KIF26A: variants seen among roughly 807,000 people sequenced by gnomAD.
KIF26A encodes kinesin-like protein KIF26A.
KIF26A carries 74 observed loss-of-function variants against 126.0 expected under a neutral mutation model. That is an observed-to-expected ratio of 0.59 (90% CI 0.49 to 0.71). KIF26A has a LOEUF of 0.71. Ranked by LOEUF, KIF26A falls within the 30% of genes least tolerant of loss-of-function variation. KIF26A has a pLI of 0.00. For synonymous variants in KIF26A, 1,445 were observed against 1,232.7 expected (o/e 1.17, Z -3.61); for missense variants, 2,984 against 2,763.3 (o/e 1.08, Z -1.79).
intron 2 of KIF26A, among the ~76,000 whole-genome samples, chr14:104,144,321 C>T (rs964079227): frequency 5.3e-5 from 8 of 151,954 alleles, no homozygotes; most frequent in African/African-American, 9.7e-5. Flanking sequence ...GGGGCAGGGA[C>T]GTGCTCTGGG....
chr14:104,179,671 A>G lies in KIF26A; in HGVS notation c.5530A>G (p.Thr1844Ala). 6.5e-7 allele frequency: 1 copy of G among 1,548,226 alleles called. No individual in the cohort carries two copies. The highest frequency in any genetic ancestry group is 8.7e-7 in the Non-Finnish European group (1 of 1,145,978). ...AEYLAALERA[T>A]AALEQCVNLC... ...GTACCTGGCGGCCCTGGAGCGAGCC[A>G]CGGCGGCCCTGGAGCAGTGCGTGAA... is the stretch of plus-strand genomic sequence containing the variant. Residue 1844 changes from threonine to alanine, a missense_variant, in exon 15 of 15, where the codon ACG becomes GCG. By Grantham distance (58) the Thr-to-Ala change is moderately conservative (BLOSUM62 0). Transcript: ENST00000423312.
At position 104,176,474 on chromosome 14, in the gene KIF26A, G is replaced by A. The variant is rs1238976534; in HGVS notation, c.3686G>A (p.Gly1229Asp). The A allele has an allele frequency of 6.2e-7, 1 of 1,606,978 alleles. No homozygotes were observed. The highest frequency in any genetic ancestry group is 8.5e-7 in the Non-Finnish European group (1 of 1,179,532). The change falls in exon 12 of 15, where the codon GGC becomes GAC. Residue 1229 changes from glycine to aspartate, a missense_variant. Physicochemically the swap from Gly to Asp is moderately conservative, Grantham distance 94. Transcript: ENST00000423312. ...ATTRVGCARLGQSPPGRGGLF... is the reference protein window; with the variant it reads ...ATTRVGCARLDQSPPGRGGLF... ...ACCCGTGTGGGCTGTGCTCGCCTGGGCCAGAGCCCACCTGGCCGTGGAGGC... is the reference window on the plus strand; with the variant it reads ...ACCCGTGTGGGCTGTGCTCGCCTGGACCAGAGCCCACCTGGCCGTGGAGGC...
rs2037793101 is a variant in KIF26A at position 104,157,705 on chromosome 14, T to C, written c.736-50T>C. On this transcript the variant is annotated intron_variant, in intron 3 of 14. Transcript: ENST00000423312. ...TCCCACTCCGGGTGCCAGGGGGCAGTGGTGTCTCTGCCCTTGCGTTCCTTA... is the reference window on the plus strand; with the variant it reads ...TCCCACTCCGGGTGCCAGGGGGCAGCGGTGTCTCTGCCCTTGCGTTCCTTA... The C allele has an allele frequency of 1.9e-6, 3 of 1,554,394 alleles. No homozygotes were observed. In the African/African-American group the frequency reaches 4.1e-5, roughly 21 times the overall value.
chr14:104,176,079 G>C lies in KIF26A; in HGVS notation c.3291G>C (p.Glu1097Asp). The change falls in exon 12 of 15, where the codon GAG (glutamate) becomes GAC (aspartate). Residue 1097 changes from glutamate (E) to aspartate (D), a missense_variant. Coordinates refer to ENST00000423312, the MANE Select transcript of KIF26A (RefSeq NM_015656.2). Reference protein sequence around the residue: ...TSQAPEGGPLEGAAWAGSSHG... With the variant: ...TSQAPEGGPLDGAAWAGSSHG... ...AGGCCCCTGAGGGGGGGCCCCTGGAGGGGGCAGCCTGGGCCGGCAGCAGTC... is the reference window on the plus strand; with the variant it reads ...AGGCCCCTGAGGGGGGGCCCCTGGACGGGGCAGCCTGGGCCGGCAGCAGTC... 3.8e-6 allele frequency: 6 copies of C among 1,594,544 alleles called. No individual in the cohort carries two copies. The highest frequency in any genetic ancestry group is 3.4e-6 in the Non-Finnish European group (4 of 1,172,734).
In KIF26A at chr14:104,152,872, C is replaced by T. The variant is rs1026700132; in HGVS notation, c.735+411C>T. Among the ~76,000 whole-genome samples the T allele has an allele frequency of 6.6e-6, 1 of 152,116 alleles. No homozygotes were observed. The highest frequency in any genetic ancestry group is 2.4e-5 in the African/African-American group (1 of 41,410). On this transcript the variant is annotated intron_variant, in intron 3 of 14. Transcript: ENST00000423312. This position sits in a 1 kb window ranked among gnomAD's most constrained non-coding sequence, Gnocchi z 5.9. The stretch of plus-strand genomic sequence containing the variant: ...TGGAGGCCTGGGGGTGTGAGGCGTC[C>T]ATGGACGTCGGGCGGGGGACCGGCA...
intron 2 of KIF26A, among the ~76,000 whole-genome samples, chr14:104,140,402 A>G (rs1173454852): frequency 6.6e-6 from 1 of 152,088 alleles, no homozygotes; most frequent in East Asian, 1.9e-4. Flanking sequence ...ATCTAGTTTA[A>G]AAGGTAGCAG....
At chr14:104,165,679 A>G (rs115366326) in intron 4 of KIF26A, among the ~76,000 whole-genome samples, 2,215 of 141,714 alleles carry the variant, frequency 0.016, 75 homozygotes, top group African/African-American at 0.058. Flanking sequence ...TTCTGTATGC[A>G]TATGTGTGAC....
At chr14:104,165,158 T>C (rs796910226) in intron 4 of KIF26A, among the ~76,000 whole-genome samples, 13 of 151,876 alleles carry the variant, frequency 8.6e-5, no homozygotes, top group African/African-American at 3.1e-4. Context: ...TATGCATGTG[T>C]GTATCTCTAT....
intron 6 of KIF26A, 24 bp from the exon 7 acceptor site, chr14:104,172,551 T>C (rs958129854): frequency 1.3e-6 from 2 of 1,592,490 alleles, no homozygotes; most frequent in South Asian, 1.1e-5. Context: ...GCCACAGCCC[T>C]GCCTGATTCT....
Position 104,165,557 on chromosome 14 carries a change from C to CTG in KIF26A, c.924-1296_924-1295dup, listed in dbSNP as rs528990853. ...TTTGTGTCTATGCGTGTGTGTGTGT[C>CTG]TGTGTGTTTCTGTATGCATGTGTGT... On this transcript the variant is annotated intron_variant, in intron 4 of 14. Transcript: ENST00000423312. 8.4e-3 allele frequency among the ~76,000 whole-genome samples: 1,134 copies of CTG among 135,062 alleles called. 33 individuals carry two copies. Among genetic ancestry groups the CTG allele is most frequent in the African/African-American group, 0.03 (1,006 of 33,998 alleles). The allele number at this position is 135,062 out of a possible 152,430, so 88.6% of individuals were successfully genotyped here.
Position 104,177,268 on chromosome 14 carries a change from C to T in KIF26A, c.4480C>T (p.Pro1494Ser), listed in dbSNP as rs1259447274. 3.1e-6 allele frequency: 5 copies of T among 1,594,168 alleles called. No homozygotes were observed. Among genetic ancestry groups the T allele is most frequent in the East Asian group, 4.5e-5 (2 of 44,204 alleles). Residue 1494 changes from proline (P) to serine (S), a missense_variant, in exon 12 of 15, where the codon CCT (proline) becomes TCT (serine). Transcript: ENST00000423312. ...CAAGGCTGTGGGGGCCCCCAAGCCCCCTGTTGGTGGAGGCAAGGGCCGTGG... is the reference window on the plus strand; with the variant it reads ...CAAGGCTGTGGGGGCCCCCAAGCCCTCTGTTGGTGGAGGCAAGGGCCGTGG... Reference protein sequence around the residue: ...AAKAVGAPKPPVGGGKGRGLV... With the variant: ...AAKAVGAPKPSVGGGKGRGLV...
intron 4 of KIF26A, among the ~76,000 whole-genome samples, chr14:104,161,802 C>G (rs116255172): frequency 6.6e-6 from 1 of 152,222 alleles, no homozygotes; most frequent in African/African-American, 2.4e-5. Context: ...GGCAGGCTTC[C>G]TGGAGGAGGT....
rs142054017 is a variant in KIF26A, at chr14:104,164,824, T to C, written c.924-2035T>C. On this transcript the variant is annotated intron_variant, in intron 4 of 14. Coordinates refer to ENST00000423312, the MANE Select transcript of KIF26A (RefSeq NM_015656.2). ...CTCTTTCTCTGTGTATCCTTGTCTC[T>C]GTGTGAGTGTCTGAGTATGTGTGTG... Among the ~76,000 whole-genome samples, 4 of 151,990 alleles carry C rather than the reference T, an allele frequency of 2.6e-5. No homozygotes were observed. In the East Asian group the frequency reaches 7.7e-4, roughly 29 times the overall value.
rs771832883 is a variant in KIF26A, at chr14:104,166,986, G to A, written c.1051G>A (p.Ala351Thr). The A allele has an allele frequency of 3.2e-6, 5 of 1,583,546 alleles. No homozygotes were observed. The highest frequency in any genetic ancestry group is 4.3e-6 in the Non-Finnish European group (5 of 1,165,936). The change falls in exon 5 of 15, where the codon GCG (alanine) becomes ACG (threonine). Residue 351 changes from alanine (A) to threonine (T), a missense_variant. Ala to Thr is a moderately conservative substitution (Grantham distance 58). Coordinates refer to ENST00000423312, the MANE Select transcript of KIF26A (RefSeq NM_015656.2). The part of the protein sequence containing the change: ...SGVLQLWPPP[A>T]PPCLLRAASK... ...GGTCCTGCAGCTGTGGCCGCCCCCG[G>A]CGCCCCCCTGCCTGCTCAGGGCCGC...
At chr14:104,160,424 T>A (rs186682918) in intron 4 of KIF26A, among the ~76,000 whole-genome samples, 9 of 152,152 alleles carry the variant, frequency 5.9e-5, no homozygotes, top group Admixed American at 5.9e-4. Flanking sequence ...TGTGGAGTGA[T>A]CCCATGGGTG....
Position 104,177,055 on chromosome 14 carries a change from G to A in KIF26A, c.4267G>A (p.Ala1423Thr). 1 of 1,587,654 alleles carries A rather than the reference G, an allele frequency of 6.3e-7. No individual in the cohort carries two copies. Among genetic ancestry groups the A allele is most frequent in the Non-Finnish European group, 8.5e-7 (1 of 1,175,234 alleles). The change falls in exon 12 of 15, where the codon GCC (alanine) becomes ACC (threonine). Residue 1423 changes from alanine to threonine, a missense_variant. Transcript: ENST00000423312. ...PRATSSLKAR[A>T]SKVEAAHRLA... ...GGCCACGTCCAGCCTGAAGGCCCGG[G>A]CCAGCAAGGTAGAAGCAGCACACCG...
At chr14:104,165,047 GTGTC>G (rs557999175) in intron 4 of KIF26A, among the ~76,000 whole-genome samples, 43 of 151,834 alleles carry the variant, frequency 2.8e-4, no homozygotes, top group African/African-American at 9.9e-4. Context: ...ATGTGTATGT[GTGTC>G]TGTGTGTCTC....
At chr14:104,161,351 C>T (rs2037831178) in intron 4 of KIF26A, among the ~76,000 whole-genome samples, 1 of 152,098 alleles carries the variant, frequency 6.6e-6, no homozygotes, top group South Asian at 2.1e-4. Context: ...CTCGCACGGC[C>T]CAGTGTGGAA....
Position 104,175,328 on chromosome 14 carries a change from G to T in KIF26A, c.2540G>T (p.Arg847Leu). 1 of 1,604,020 alleles carries T rather than the reference G, an allele frequency of 6.2e-7. No individual in the cohort carries two copies. The highest frequency in any genetic ancestry group is 1.3e-5 in the African/African-American group (1 of 75,046). The change falls in exon 12 of 15, where the codon CGG becomes CTG. Residue 847 changes from arginine (R) to leucine (L), a missense_variant. By Grantham distance (102) the Arg-to-Leu change is moderately radical. Coordinates refer to ENST00000423312, the MANE Select transcript of KIF26A (RefSeq NM_015656.2). ...AGCACCTTCGCGGAGCTGCAGGAGCGGCTGGAATGCATGGACGGCAACGAG... is the reference window on the plus strand; with the variant it reads ...AGCACCTTCGCGGAGCTGCAGGAGCTGCTGGAATGCATGGACGGCAACGAG... Reference protein sequence around the residue: ...RCSTFAELQERLECMDGNEGP... With the variant: ...RCSTFAELQELLECMDGNEGP...
Sources: allele counts gnomAD v4.1 joint callset (sites outside exome capture counted in the v4.1 genomes callset), GRCh38; gene constraint gnomAD v4.1.1; non-coding constraint Gnocchi (gnomAD v3.1); transcripts MANE v1.5; gene names NCBI Gene and HGNC (gene_info 2026-07-23, HGNC 2026-07-21).